Variants in GDF1 observed in about 807,000 individuals in gnomAD.
GDF1 encodes growth differentiation factor 1, also known as embryonic growth/differentiation factor 1.
Under a neutral mutation model 7.4 loss-of-function variants are expected in GDF1, and 8 were observed. That is an observed-to-expected ratio of 1.09 (90% CI 0.64 to 1.96). GDF1 has a LOEUF of 1.96. Among genes scored for constraint, GDF1 ranks in the 30% most tolerant of loss-of-function variants. GDF1 has a pLI of 0.00. For missense variants in GDF1, 574 were observed against 551.5 expected, an observed-to-expected ratio of 1.04 and a Z score of -0.41; for synonymous variants, 311 against 276.7, an observed-to-expected ratio of 1.12 and a Z score of -1.23.
Position 18,868,920 on chromosome 19 carries a change from CG to C in GDF1, c.795del (p.Ala266LeufsTer9). ...ACGTACAGCCGCCGCGCGCGACAAGCGCCCCCGGGGCCGCCGCCCAACACGG... is the reference window on the plus strand; with the variant it reads ...ACGTACAGCCGCCGCGCGCGACAAGCCCCCCGGGGCCGCCGCCCAACACGG... ...AEPVLGGGPG[G>X]ACRARRLYVS... is the part of the protein sequence containing the mutation. On this transcript the variant is annotated frameshift_variant, in exon 8 of 8. Transcript: ENST00000247005. LOFTEE classifies it low-confidence loss of function (END_TRUNC). The C allele has an allele frequency of 7.4e-7, 1 of 1,360,164 alleles. No homozygotes were observed. The highest frequency in any genetic ancestry group is 9.6e-7 in the Non-Finnish European group (1 of 1,047,030). 84.3% of individuals were successfully genotyped at this position (1,360,164 alleles called of 1,614,324 possible).
rs2145990522 is a variant in GDF1, at chr19:18,870,635, G to A, written c.-312-16C>T. The A allele has an allele frequency of 1.8e-6, 1 of 556,742 alleles. No individual in the cohort carries two copies. The highest frequency in any genetic ancestry group is 3.2e-6 in the Non-Finnish European group (1 of 307,824). 34.5% of individuals were successfully genotyped at this position (556,742 alleles called of 1,614,324 possible). ...CAGTGGCTTCCTGGGGGTCAGAACC[G>A]GCGCAGGTTAGCCTGGGAGCCCCAC... On this transcript the variant is annotated splice_polypyrimidine_tract_variant and intron_variant, in intron 6 of 7. Transcript: ENST00000247005. The surrounding 1 kb of genome is among the most constrained non-coding windows in gnomAD (Gnocchi z 5.1).
intron 1 of GDF1, among the ~76,000 whole-genome samples, 197 bp from the exon 2 acceptor site, chr19:18,893,772 C>T (rs549655546): frequency 0.01 from 1,587 of 152,058 alleles, 16 homozygotes; most frequent in Non-Finnish European, 0.015. Flanking sequence ...CCCAGCTGTC[C>T]GGCCGCCGCG....
Position 18,870,216 on chromosome 19 carries a change from ACGGGGGCG to A in GDF1, c.84_91del (p.Val31ArgfsTer15), listed in dbSNP as rs1568291639. ...CAGGGCGGCGGCTGGGCCTGGGGGC[ACGGGGGCG>A]CGGGTCAGGGGCAGCGAGGGCAGCA... On this transcript the variant is annotated frameshift_variant, in exon 7 of 8. Transcript: ENST00000247005. LOFTEE classifies it high-confidence loss of function. The surrounding 1 kb of genome is among the most constrained non-coding windows in gnomAD (Gnocchi z 5.1). The A allele has an allele frequency of 8.4e-6, 13 of 1,556,194 alleles. No homozygotes were observed. The East Asian group carries it at 2.8e-4, about 33-fold the overall frequency.
chr19:18,885,073 G>A (rs2056317255), intron 2 of GDF1, among the ~76,000 whole-genome samples: 1 of 152,134 alleles, frequency 6.6e-6, no homozygotes, highest in South Asian at 2.1e-4. Flanking sequence ...GAGCAGATAG[G>A]ACAGAAAGTT....
chr19:18,872,814 A>C (rs1331779897), intron 6 of GDF1, among the ~76,000 whole-genome samples: 2 of 146,656 alleles, frequency 1.4e-5, no homozygotes, highest in Non-Finnish European at 3.0e-5. Flanking sequence ...GCGCCTGGCT[A>C]ATTTTTATAT....
At chr19:18,881,312 C>T (rs917062032) in intron 3 of GDF1, among the ~76,000 whole-genome samples, 9 of 151,828 alleles carry the variant, frequency 5.9e-5, no homozygotes, top group South Asian at 2.1e-4. Flanking sequence ...CTCCACCTCC[C>T]GGGTTCAAGC....
chr19:18,886,906 T>A (rs2056375562), intron 2 of GDF1, among the ~76,000 whole-genome samples: 1 of 152,008 alleles, frequency 6.6e-6, no homozygotes, highest in African/African-American at 2.4e-5. Flanking sequence ...CCTGCCCACA[T>A]CTCTCCAGCG....
chr19:18,884,379 C>G, intron 2 of GDF1, 112 bp from the exon 3 acceptor site: 1 of 972,688 alleles, frequency 1.0e-6, no homozygotes, highest in Non-Finnish European at 1.5e-6. Context: ...CCCAGGTAAC[C>G]ATGCGTGTCT....
chr19:18,879,944 C>G (rs1283146189), intron 4 of GDF1, among the ~76,000 whole-genome samples: 1 of 151,680 alleles, frequency 6.6e-6, no homozygotes. Flanking sequence ...CCCTGGCTTG[C>G]TCTGTATTAG....
intron 6 of GDF1, among the ~76,000 whole-genome samples, chr19:18,871,357 G>C (rs2055967320): frequency 6.6e-6 from 1 of 151,570 alleles, no homozygotes; most frequent in Admixed American, 6.6e-5. Context: ...CTCCTGAGTA[G>C]TGTGGTGGCA....
At chr19:18,885,500 C>A (rs1234750214) in intron 2 of GDF1, among the ~76,000 whole-genome samples, 2 of 144,024 alleles carry the variant, frequency 1.4e-5, no homozygotes, top group Non-Finnish European at 3.0e-5. Flanking sequence ...CCCAGCCCAG[C>A]GCCCCTTCTC....
At position 18,895,975 on chromosome 19, in the gene GDF1, G is replaced by A. The variant is rs1370175326; in HGVS notation, c.-1225C>T. 2.8e-6 allele frequency: 3 copies of A among 1,053,734 alleles called. No individual in the cohort carries two copies. Among genetic ancestry groups the A allele is most frequent in the Non-Finnish European group, 3.4e-6 (3 of 874,374 alleles). 65.3% of individuals were successfully genotyped at this position (1,053,734 alleles called of 1,614,324 possible). A position where few individuals can be genotyped will look rare whatever the true frequency, so the allele number is the denominator to read the frequency against. On this transcript the variant is annotated 5_prime_UTR_variant, in exon 1 of 8. Transcript: ENST00000247005. This position sits in a 1 kb window ranked among gnomAD's most constrained non-coding sequence, Gnocchi z 6.4. The stretch of plus-strand genomic sequence containing the variant: ...GCCGCAGTCCGTGCAGCCCCGCGCC[G>A]CCGCCAGCGCGCTGCCCCAGCCGCG...
In GDF1 at chr19:18,868,679, G is replaced by A. The variant is rs1446379797; in HGVS notation, c.1037C>T (p.Ser346Phe). 47 of 1,570,908 alleles carry A rather than the reference G, an allele frequency of 3.0e-5. No individual in the cohort carries two copies. The highest frequency in any genetic ancestry group is 3.9e-5 in the Non-Finnish European group (45 of 1,158,148). The change falls in exon 8 of 8, where the codon TCC becomes TTC. Residue 346 changes from serine (S) to phenylalanine (F), a missense_variant. Physicochemically the swap from Ser to Phe is radical, Grantham distance 155 (BLOSUM62 -2). Transcript: ENST00000247005. ...GTCGCTGTTGTCAAAGAAGAGCACG[G>A]AGATGGGCGACAGGCGCGCGGGCAC... ...CCVPARLSPI[S>F]VLFFDNSDNV...
intron 6 of GDF1, among the ~76,000 whole-genome samples, chr19:18,875,235 A>C (rs1319732554): frequency 9.2e-5 from 12 of 130,930 alleles, no homozygotes; most frequent in Admixed American, 8.7e-4. Context: ...GACCGTCTCT[A>C]AAAAAAAAAA....
intron 2 of GDF1, 106 bp from the exon 3 acceptor site, chr19:18,884,373 G>T: frequency 9.5e-7 from 1 of 1,052,892 alleles, no homozygotes; most frequent in Non-Finnish European, 1.3e-6. Context: ...CCAGTACCCA[G>T]GTAACCATGC....
At position 18,868,842 on chromosome 19, in the gene GDF1, G is replaced by C. The variant is rs1233479729; in HGVS notation, c.874C>G (p.Leu292Val). Reference sequence around the variant, plus strand: ...CACTGACCCTGGCAGTAGTTGGCCAGGAAGCCGCGCGGCGCGATGACCCAG... The same window carrying C: ...CACTGACCCTGGCAGTAGTTGGCCACGAAGCCGCGCGGCGCGATGACCCAG... ...HRWVIAPRGF[L>V]ANYCQGQCAL... Residue 292 changes from leucine to valine, a missense_variant, in exon 8 of 8, where the codon CTG (leucine) becomes GTG (valine). Physicochemically the swap from Leu to Val is conservative, Grantham distance 32. Coordinates refer to ENST00000247005, the MANE Select transcript of GDF1 (RefSeq NM_001492.6). The C allele has an allele frequency of 9.6e-6, 14 of 1,451,646 alleles. No individual in the cohort carries two copies. The highest frequency in any genetic ancestry group is 1.3e-5 in the Non-Finnish European group (14 of 1,093,602). The allele number at this position is 1,451,646 out of a possible 1,614,324, so 89.9% of individuals were successfully genotyped here.
chr19:18,869,520 G>A, intron 7 of GDF1, 130 bp from the exon 8 acceptor site: 1 of 1,260,142 alleles, frequency 7.9e-7, no homozygotes, highest in Non-Finnish European at 1.1e-6. Context: ...GGTGTGAAGC[G>A]GCGGGGTGGG....
rs765999204 is a variant in GDF1 at position 18,879,361 on chromosome 19, C to A, written c.-543G>T. 3 of 1,584,990 alleles carry A rather than the reference C, an allele frequency of 1.9e-6. No homozygotes were observed. The highest frequency in any genetic ancestry group is 1.3e-5 in the African/African-American group (1 of 74,416). On this transcript the variant is annotated 5_prime_UTR_variant, in exon 5 of 8. Coordinates refer to ENST00000247005, the MANE Select transcript of GDF1 (RefSeq NM_001492.6). ...GACTGGTGGCATACAGGACCTTGAGCGGGAACCAGTAGAGGCGGAACCAGA... is the reference window on the plus strand; with the variant it reads ...GACTGGTGGCATACAGGACCTTGAGAGGGAACCAGTAGAGGCGGAACCAGA...
In GDF1 at chr19:18,895,913, G is replaced by A; in HGVS notation, c.-1163C>T. On this transcript the variant is annotated 5_prime_UTR_variant, in exon 1 of 8. Coordinates refer to ENST00000247005, the MANE Select transcript of GDF1 (RefSeq NM_001492.6). The surrounding 1 kb of genome is among the most constrained non-coding windows in gnomAD (Gnocchi z 6.4). ...AGCAGCAGCTCGGGCGGCGCCAGGT[G>A]CGCGTGCTCAGCCAGGCCGCGACGC... is the stretch of plus-strand genomic sequence containing the variant. 6.4e-6 allele frequency: 8 copies of A among 1,246,372 alleles called. No individual in the cohort carries two copies. The highest frequency in any genetic ancestry group is 8.1e-6 in the Non-Finnish European group (8 of 993,558). The allele number at this position is 1,246,372 out of a possible 1,614,324, so 77.2% of individuals were successfully genotyped here. A position where few individuals can be genotyped will look rare whatever the true frequency, so the allele number is the denominator to read the frequency against.
Sources: allele counts gnomAD v4.1 joint callset (sites outside exome capture counted in the v4.1 genomes callset), GRCh38; gene constraint gnomAD v4.1.1; non-coding constraint Gnocchi (gnomAD v3.1); transcripts MANE v1.5; gene names NCBI Gene and HGNC (gene_info 2026-07-23, HGNC 2026-07-21).